Variants in EDIL3 observed in about 807,000 individuals in gnomAD.
EDIL3 encodes EGF-like repeat and discoidin I-like domain-containing protein 3.
In EDIL3, 37 loss-of-function variants were observed where a neutral mutation model predicts 67.4. That is an observed-to-expected ratio of 0.55 (90% CI 0.42 to 0.72). The LOEUF (loss-of-function observed/expected upper bound fraction) is 0.72. Among genes scored for constraint, EDIL3 ranks in the 30% least tolerant of loss-of-function variants. The pLI, the probability that EDIL3 is intolerant of heterozygous loss-of-function variation, is 0.00. For synonymous variants in EDIL3, 195 were observed against 196.3 expected (o/e 0.99, Z 0.05); for missense variants, 527 against 586.3 (o/e 0.90, Z 1.04).
At chr5:84,326,814 C>A (rs1488783812) in intron 1 of EDIL3, among the ~76,000 whole-genome samples, 2 of 151,812 alleles carry the variant, frequency 1.3e-5, no homozygotes, top group Admixed American at 6.6e-5. Flanking sequence ...CCACCTTCTA[C>A]ATTCTCTCTT....
intron 9 of EDIL3, among the ~76,000 whole-genome samples, chr5:84,029,131 C>A (rs954462897): frequency 1.3e-5 from 2 of 152,076 alleles, no homozygotes; most frequent in African/African-American, 4.8e-5. Flanking sequence ...GTGGCAGGTG[C>A]CTGTAGTCCC....
chr5:84,113,215 C>T lies in EDIL3; in HGVS notation c.470-6385G>A, dbSNP rs181098634. ...TACGGTAGTAGAATATGGTAGTCTG[C>T]ATTTCCTGGCTGTAAGATCTGTGTT... On this transcript the variant is annotated intron_variant, in intron 5 of 10. Coordinates refer to ENST00000296591, the MANE Select transcript of EDIL3 (RefSeq NM_005711.5). Among the ~76,000 whole-genome samples, 48 of 152,270 alleles carry T rather than the reference C, an allele frequency of 3.2e-4. No individual in the cohort carries two copies. The East Asian group carries it at 8.9e-3, about 28-fold the overall frequency.
intron 1 of EDIL3, among the ~76,000 whole-genome samples, chr5:84,294,106 G>A (rs983980420): frequency 2.2e-4 from 33 of 151,196 alleles, no homozygotes; most frequent in African/African-American, 8.1e-4. Flanking sequence ...ATCATCGGCC[G>A]GGTGCGGTGG....
intron 9 of EDIL3, among the ~76,000 whole-genome samples, chr5:84,020,213 C>T (rs1056226532): frequency 6.6e-6 from 1 of 151,848 alleles, no homozygotes; most frequent in African/African-American, 2.4e-5. Flanking sequence ...TAAATAAATT[C>T]TCCCTTCATC....
chr5:84,172,150 G>A (rs548320751), intron 4 of EDIL3, among the ~76,000 whole-genome samples: 26 of 152,176 alleles, frequency 1.7e-4, no homozygotes, highest in Non-Finnish European at 3.1e-4. Context: ...AAAATTTCTC[G>A]ATTCTAGTCT....
intron 1 of EDIL3, among the ~76,000 whole-genome samples, chr5:84,297,177 G>GAA (rs61365875): frequency 0.33 from 21,013 of 62,974 alleles, 3,234 homozygotes; most frequent in Non-Finnish European, 0.41. Context: ...GCAAGACTCC[G>GAA]AAAAAAAAAA....
intron 9 of EDIL3, among the ~76,000 whole-genome samples, chr5:83,986,812 A>G (rs570658930): frequency 6.6e-6 from 1 of 152,214 alleles, no homozygotes; most frequent in Admixed American, 6.6e-5. Flanking sequence ...AGACCAGGAG[A>G]AGTGCACTTG....
intron 6 of EDIL3, among the ~76,000 whole-genome samples, chr5:84,105,499 C>A (rs1404321445): frequency 2.0e-5 from 3 of 151,998 alleles, no homozygotes; most frequent in Non-Finnish European, 4.4e-5. Flanking sequence ...TACCAAATGC[C>A]TGTAAACTAG....
intron 5 of EDIL3, among the ~76,000 whole-genome samples, chr5:84,119,441 C>T (rs1747733274): frequency 6.6e-6 from 1 of 151,910 alleles, no homozygotes. Flanking sequence ...TTCAAATTGT[C>T]AGATAAAAAT....
intron 1 of EDIL3, among the ~76,000 whole-genome samples, chr5:84,364,839 C>T (rs1413225815): frequency 1.3e-5 from 2 of 151,928 alleles, no homozygotes; most frequent in East Asian, 1.9e-4. Flanking sequence ...AATTTTCTAA[C>T]CCGAAACTTT....
chr5:83,964,701 C>G (rs1744660705), intron 9 of EDIL3, among the ~76,000 whole-genome samples: 1 of 152,006 alleles, frequency 6.6e-6, no homozygotes, highest in Admixed American at 6.6e-5. Flanking sequence ...TTTTTGTTAA[C>G]TTTTTGGAGC....
At chr5:84,000,463 T>A (rs766442231) in intron 9 of EDIL3, among the ~76,000 whole-genome samples, 5 of 152,132 alleles carry the variant, frequency 3.3e-5, no homozygotes, top group Non-Finnish European at 7.4e-5. Context: ...TTTGTTAGAT[T>A]GTTCGCTTTT....
intron 1 of EDIL3, among the ~76,000 whole-genome samples, chr5:84,296,874 C>A (rs1746060923): frequency 6.6e-6 from 1 of 152,024 alleles, no homozygotes; most frequent in Non-Finnish European, 1.5e-5. Flanking sequence ...GGAACTTAAG[C>A]AAATTTTTAA....
intron 9 of EDIL3, among the ~76,000 whole-genome samples, chr5:84,029,435 T>G (rs1745878429): frequency 1.3e-5 from 2 of 152,162 alleles, no homozygotes; most frequent in South Asian, 2.1e-4. Flanking sequence ...TTTTGTAAAT[T>G]GCTCAGTCTT....
intron 1 of EDIL3, among the ~76,000 whole-genome samples, chr5:84,302,275 G>A (rs982418521): frequency 4.6e-5 from 7 of 151,438 alleles, no homozygotes; most frequent in African/African-American, 1.7e-4. Context: ...TTAAATTCAC[G>A]ATCTCAATTA....
intron 5 of EDIL3, among the ~76,000 whole-genome samples, chr5:84,126,560 A>T (rs1271045166): frequency 6.6e-6 from 1 of 152,050 alleles, no homozygotes; most frequent in African/African-American, 2.4e-5. Flanking sequence ...TGTCAATGTT[A>T]TTTTACATTT....
intron 1 of EDIL3, among the ~76,000 whole-genome samples, chr5:84,294,235 A>G (rs1745991926): frequency 6.6e-6 from 1 of 151,924 alleles, no homozygotes; most frequent in South Asian, 2.1e-4. Flanking sequence ...AATAGAAAAA[A>G]TTAGCCAGGC....
At position 83,997,118 on chromosome 5, in the gene EDIL3, G is replaced by A. The variant is rs73143989; in HGVS notation, c.1138-33758C>T. Among the ~76,000 whole-genome samples, 317 of 152,298 alleles carry A rather than the reference G, an allele frequency of 2.1e-3. 2 individuals carry two copies. The highest frequency in any genetic ancestry group is 7.4e-3 in the African/African-American group (309 of 41,558). ...AGAAGAACAGGGTTTAATGGGAAAG[G>A]TGGCTGGAAATGAGGTAGGGGAAAT... On this transcript the variant is annotated intron_variant, in intron 9 of 10. Transcript: ENST00000296591.
intron 3 of EDIL3, among the ~76,000 whole-genome samples, chr5:84,188,081 C>G (rs944541409): frequency 6.6e-6 from 1 of 151,012 alleles, no homozygotes. Flanking sequence ...AGATTTCCCG[C>G]CCCCCCTTAA....
Sources: gnomAD v4.1 joint callset for allele counts (sites outside exome capture counted in the v4.1 genomes callset) on GRCh38, gnomAD v4.1.1 for gene constraint, MANE v1.5 for transcripts, NCBI Gene and HGNC (gene_info 2026-07-23, HGNC 2026-07-21) for gene names.